BCAT1: variants seen among roughly 807,000 people sequenced by gnomAD.
BCAT1 encodes branched chain amino acid transaminase 1, also known as branched-chain-amino-acid aminotransferase, cytosolic.
A neutral mutation model predicts 52.4 loss-of-function variants in BCAT1; 48 were observed. That is an observed-to-expected ratio of 0.92 (90% CI 0.73 to 1.16). BCAT1 has a LOEUF of 1.16. BCAT1 is among the 50% of genes most tolerant of loss of function. BCAT1 has a pLI of 0.00. For synonymous variants in BCAT1, 167 were observed against 161.3 expected (o/e 1.04, Z -0.27); for missense variants, 451 against 457.1 (o/e 0.99, Z 0.12).
intron 2 of BCAT1, among the ~76,000 whole-genome samples, chr12:24,895,977 A>G (rs913470745): frequency 2.0e-5 from 3 of 152,150 alleles, no homozygotes; most frequent in Admixed American, 2.0e-4. Context: ...ATAAAATGCC[A>G]AGTTTCAATA....
intron 9 of BCAT1, chr12:24,830,226 C>T (rs4963805): frequency 0.61 from 125,236 of 206,058 alleles, 38,996 homozygotes; most frequent in East Asian, 0.86. Context: ...TTAAAGAACC[C>T]TACCTCTTCC....
At chr12:24,840,149 T>G (rs773218984) in intron 7 of BCAT1, among the ~76,000 whole-genome samples, 1 of 152,226 alleles carries the variant, frequency 6.6e-6, no homozygotes, top group Non-Finnish European at 1.5e-5. Context: ...AAATGTTTCA[T>G]GATTATTGTT....
intron 6 of BCAT1, among the ~76,000 whole-genome samples, chr12:24,849,098 T>C (rs572090225): frequency 6.6e-6 from 1 of 152,350 alleles, no homozygotes; most frequent in East Asian, 1.9e-4. Context: ...ATTTGATACA[T>C]GCAAAGCAAG....
chr12:24,866,379 C>G (rs970617019), intron 5 of BCAT1, among the ~76,000 whole-genome samples: 2 of 152,252 alleles, frequency 1.3e-5, no homozygotes, highest in East Asian at 1.9e-4. Context: ...CCTCCCGCCC[C>G]CCGCCACCGC....
intron 5 of BCAT1, among the ~76,000 whole-genome samples, chr12:24,867,919 C>T (rs1040136803): frequency 1.3e-5 from 2 of 152,162 alleles, no homozygotes; most frequent in Non-Finnish European, 1.5e-5. Context: ...GCAGGAGAAT[C>T]GCTTGAACCT....
intron 6 of BCAT1, among the ~76,000 whole-genome samples, chr12:24,847,611 AAGAG>A (rs1160636794): frequency 6.6e-6 from 1 of 152,084 alleles, no homozygotes; most frequent in Non-Finnish European, 1.5e-5. Context: ...GAGAGAGAAA[AAGAG>A]AGAAAGAGAG....
At chr12:24,889,940 C>T (rs1043096040) in intron 3 of BCAT1, among the ~76,000 whole-genome samples, 1 of 152,184 alleles carries the variant, frequency 6.6e-6, no homozygotes, top group Non-Finnish European at 1.5e-5. Flanking sequence ...AGAATGAGTT[C>T]AGTGAGCTTC....
At chr12:24,844,467 G>A (rs539816599) in intron 6 of BCAT1, among the ~76,000 whole-genome samples, 5 of 152,082 alleles carry the variant, frequency 3.3e-5, no homozygotes, top group Non-Finnish European at 4.4e-5. Context: ...ATAATTTCAA[G>A]TTGGTTTTCT....
At chr12:24,891,972 T>C (rs979269224) in intron 3 of BCAT1, among the ~76,000 whole-genome samples, 1 of 151,780 alleles carries the variant, frequency 6.6e-6, no homozygotes, top group Non-Finnish European at 1.5e-5. Flanking sequence ...TTAGCCAGGA[T>C]GGTCTCGATC....
At chr12:24,941,781 C>T (rs775819056) in intron 1 of BCAT1, among the ~76,000 whole-genome samples, 5 of 152,222 alleles carry the variant, frequency 3.3e-5, no homozygotes, top group Non-Finnish European at 7.3e-5. Context: ...TCCCACCTTT[C>T]GCCCATGTTC....
chr12:24,831,701 G>T (rs1940675616), intron 9 of BCAT1, among the ~76,000 whole-genome samples: 1 of 152,204 alleles, frequency 6.6e-6, no homozygotes, highest in South Asian at 2.1e-4. Context: ...CTGCATGGGG[G>T]TTGACACCCC....
Position 24,812,228 on chromosome 12 carries a change from C to T in BCAT1, c.*5780G>A, listed in dbSNP as rs1032262331. 3.9e-5 allele frequency: 6 copies of T among 152,064 alleles called. No homozygotes were observed. The highest frequency in any genetic ancestry group is 8.8e-5 in the Non-Finnish European group (6 of 67,950). The allele number at this position is 152,064 out of a possible 1,614,324, so 9.4% of individuals were successfully genotyped here. ...GAGGAAACTGCAATGTGTTATTGCA[C>T]ATTTTAGTTAAAAACTAATAGTCAA... On this transcript the variant is annotated 3_prime_UTR_variant, in exon 11 of 11. Coordinates refer to ENST00000261192, the MANE Select transcript of BCAT1 (RefSeq NM_005504.7).
At chr12:24,902,829 G>A in intron 1 of BCAT1, 1 of 1,379,944 alleles carries the variant, frequency 7.2e-7, no homozygotes, top group South Asian at 1.3e-5. Flanking sequence ...CGGAATGGAG[G>A]GCAAGGCGAA....
intron 1 of BCAT1, among the ~76,000 whole-genome samples, chr12:24,936,952 G>A (rs983145665): frequency 2.6e-5 from 4 of 151,988 alleles, no homozygotes; most frequent in African/African-American, 7.3e-5. Context: ...TGGGGATGAG[G>A]CTATGGGCAT....
chr12:24,848,128 CTTCCT>C (rs1307316327), intron 6 of BCAT1, among the ~76,000 whole-genome samples: 1 of 152,204 alleles, frequency 6.6e-6, no homozygotes, highest in African/African-American at 2.4e-5. Context: ...TCTCCGGTCT[CTTCCT>C]TTCCTAAGAG....
At chr12:24,933,992 C>G (rs11047715) in intron 1 of BCAT1, among the ~76,000 whole-genome samples, 25,242 of 152,012 alleles carry the variant, frequency 0.17, 2,263 homozygotes, top group East Asian at 0.3. Flanking sequence ...TTGTCTGCTC[C>G]TTACTGTACA....
chr12:24,878,594 T>C lies in BCAT1; in HGVS notation c.446A>G (p.Gln149Arg), dbSNP rs1942411136. Residue 149 changes from glutamine to arginine, a missense_variant, in exon 5 of 11, where the codon CAA becomes CGA. Physicochemically the swap from Gln to Arg is conservative, Grantham distance 43. Coordinates refer to ENST00000261192, the MANE Select transcript of BCAT1 (RefSeq NM_005504.7). ...ECIQQLVKLD[Q>R]EWVPYSTSAS... Reference sequence around the variant, plus strand: ...AGATGTTGAATATGGGACCCATTCTTGATCCAATTTCACAAGCTGTTGAAT... The same window carrying C: ...AGATGTTGAATATGGGACCCATTCTCGATCCAATTTCACAAGCTGTTGAAT... 6.2e-7 allele frequency: 1 copy of C among 1,610,140 alleles called. No homozygotes were observed. Among genetic ancestry groups the C allele is most frequent in the African/African-American group, 1.3e-5 (1 of 74,820 alleles).
In BCAT1 at chr12:24,859,577, C is replaced by T. The variant is rs191726951; in HGVS notation, c.511-9628G>A. Among the ~76,000 whole-genome samples the T allele has an allele frequency of 3.1e-4, 43 of 137,276 alleles. No individual in the cohort carries two copies. The East Asian group carries it at 8.2e-3, about 26-fold the overall frequency. The allele number at this position is 137,276 out of a possible 152,430, so 90.1% of individuals were successfully genotyped here. ...CGGAGCTTGCAGTGAGCCGAGATGG[C>T]GCCACTGAACTCCAGCTGGGCGACA... is the stretch of plus-strand genomic sequence containing the variant. On this transcript the variant is annotated intron_variant, in intron 5 of 10. Transcript: ENST00000261192.
In BCAT1 at chr12:24,815,230, A is replaced by G. The variant is rs960459547; in HGVS notation, c.*2778T>C. The stretch of plus-strand genomic sequence containing the variant: ...TGAAATGTAGAAACTGAAAAAAGTG[A>G]AAGGAAGAGAACATGCAATATAAGT... On this transcript the variant is annotated 3_prime_UTR_variant, in exon 11 of 11. Transcript: ENST00000261192. 9 of 152,232 alleles carry G rather than the reference A, an allele frequency of 5.9e-5. No homozygotes were observed. Among genetic ancestry groups the G allele is most frequent in the Admixed American group, 2.6e-4 (4 of 15,276 alleles). The allele number at this position is 152,232 out of a possible 1,614,324, so 9.4% of individuals were successfully genotyped here.
Sources: allele counts gnomAD v4.1 joint callset (sites outside exome capture counted in the v4.1 genomes callset), GRCh38; gene constraint gnomAD v4.1.1; transcripts MANE v1.5; gene names NCBI Gene and HGNC (gene_info 2026-07-23, HGNC 2026-07-21).